MRTFB: variants seen among roughly 807,000 people sequenced by gnomAD.
MRTFB encodes myocardin-related transcription factor B.
Under a neutral mutation model 104.2 loss-of-function variants are expected in MRTFB, and 29 were observed. The ratio of observed to expected loss-of-function variants is 0.28; its 90% CI spans 0.21 to 0.38. MRTFB has a LOEUF of 0.38. MRTFB is among the 10% of genes least tolerant of loss of function. MRTFB has a pLI of 1.00. For synonymous variants in MRTFB, 535 were observed against 519.5 expected (o/e 1.03, Z -0.41); for missense variants, 1,270 against 1,341.6 (o/e 0.95, Z 0.83).
At chr16:14,015,651 T>G in the MRTFB span, among the ~76,000 whole-genome samples, 3 of 152,300 alleles carry the variant, frequency 2.0e-5, no homozygotes, top group South Asian at 2.1e-4. Flanking sequence ...ACTACTGGGC[T>G]GGAGGTGGCA....
chr16:14,108,289 T>G lies in MRTFB; in HGVS notation c.-64+28935T>G, dbSNP rs528907101. ...CTTTCTTAGACAGAACAAGTATATA[T>G]GGAGTCCTCTACCACATGTGAATCT... On this transcript the variant is annotated intron_variant, in intron 2 of 16. Coordinates refer to ENST00000571589, the MANE Select transcript of MRTFB (RefSeq NM_001308142.2). 1.5e-3 allele frequency among the ~76,000 whole-genome samples: 234 copies of G among 152,346 alleles called. 3 individuals are homozygous for G. The highest frequency in any genetic ancestry group is 5.2e-3 in the African/African-American group (215 of 41,580).
At chr16:14,133,765 AGTTT>A (rs1351305520) in intron 2 of MRTFB, among the ~76,000 whole-genome samples, 2 of 149,052 alleles carry the variant, frequency 1.3e-5, no homozygotes, top group African/African-American at 5.2e-5. Context: ...ACAAAATTAC[AGTTT>A]GTTTTTAACC....
the MRTFB span, among the ~76,000 whole-genome samples, chr16:14,000,992 T>C: frequency 6.6e-6 from 1 of 152,254 alleles, no homozygotes; most frequent in Non-Finnish European, 1.5e-5. Context: ...GCCTGATACA[T>C]GATCATCTAA....
intron 1 of MRTFB, among the ~76,000 whole-genome samples, chr16:14,077,555 A>T (rs1482582893): frequency 4.8e-5 from 7 of 144,652 alleles, no homozygotes; most frequent in African/African-American, 1.8e-4. Context: ...TTATTTTTCC[A>T]TGTGAACTTT....
At chr16:14,010,270 T>C in the MRTFB span, among the ~76,000 whole-genome samples, 4 of 152,038 alleles carry the variant, frequency 2.6e-5, no homozygotes, top group Admixed American at 2.6e-4. Flanking sequence ...GATCTTCTAT[T>C]CATATGATAA....
chr16:14,006,437 C>T, the MRTFB span, among the ~76,000 whole-genome samples: 2 of 151,942 alleles, frequency 1.3e-5, no homozygotes, highest in Non-Finnish European at 2.9e-5. Flanking sequence ...AATCGCTTGA[C>T]CAGAGGCAGA....
At chr16:14,194,921 A>C (rs2040365154) in intron 3 of MRTFB, among the ~76,000 whole-genome samples, 1 of 152,130 alleles carries the variant, frequency 6.6e-6, no homozygotes, top group Non-Finnish European at 1.5e-5. Flanking sequence ...CCCACATTAA[A>C]GCTCCGTTTG....
At chr16:14,212,646 A>C (rs2041242512) in intron 5 of MRTFB, among the ~76,000 whole-genome samples, 1 of 152,218 alleles carries the variant, frequency 6.6e-6, no homozygotes, top group African/African-American at 2.4e-5. Context: ...TTTTGTACAA[A>C]AAGAACAAAT....
At chr16:14,008,521 T>G in the MRTFB span, among the ~76,000 whole-genome samples, 8 of 152,226 alleles carry the variant, frequency 5.3e-5, no homozygotes, top group African/African-American at 1.9e-4. Context: ...ATTTCTGGAC[T>G]GTCAAGCCTA....
At chr16:14,223,501 T>G (rs1369105784) in intron 8 of MRTFB, among the ~76,000 whole-genome samples, 1 of 152,048 alleles carries the variant, frequency 6.6e-6, no homozygotes, top group Admixed American at 6.6e-5. Flanking sequence ...GAAAACTATA[T>G]ATGAACAAAC....
At chr16:14,034,892 C>A in the MRTFB span, among the ~76,000 whole-genome samples, 1 of 152,156 alleles carries the variant, frequency 6.6e-6, no homozygotes, top group African/African-American at 2.4e-5. Context: ...AAGGCCCCAC[C>A]ACCCCAGGCC....
chr16:14,009,173 T>G, the MRTFB span: 1 of 152,088 alleles, frequency 6.6e-6, no homozygotes, highest in Non-Finnish European at 1.5e-5. Context: ...GGTCTCAAAC[T>G]CCTGGGCTTG....
the MRTFB span, among the ~76,000 whole-genome samples, chr16:14,059,276 T>C: frequency 1.1e-4 from 17 of 152,088 alleles, no homozygotes; most frequent in African/African-American, 3.9e-4. Context: ...CAATAAAATA[T>C]GTTAATTATA....
At chr16:14,195,282 T>C (rs1359445751) in intron 3 of MRTFB, among the ~76,000 whole-genome samples, 1 of 152,206 alleles carries the variant, frequency 6.6e-6, no homozygotes, top group Non-Finnish European at 1.5e-5. Context: ...CAAGGGATAA[T>C]GTGGCAATCC....
intron 3 of MRTFB, among the ~76,000 whole-genome samples, chr16:14,171,640 G>A (rs578102652): frequency 1.3e-5 from 2 of 151,930 alleles, no homozygotes; most frequent in Admixed American, 6.5e-5. Flanking sequence ...TTATGTATTT[G>A]TAACTCCACT....
At chr16:14,131,594 A>G (rs193042166) in intron 2 of MRTFB, among the ~76,000 whole-genome samples, 5 of 152,320 alleles carry the variant, frequency 3.3e-5, no homozygotes, top group African/African-American at 9.6e-5. Flanking sequence ...AATGAAAGAA[A>G]AAACTGTTCT....
At chr16:14,223,178 T>C in intron 8 of MRTFB, among the ~76,000 whole-genome samples, 1 of 151,952 alleles carries the variant, frequency 6.6e-6, no homozygotes, top group Non-Finnish European at 1.5e-5. Flanking sequence ...GGCGTGGTAG[T>C]GCATACCTGT....
intron 3 of MRTFB, among the ~76,000 whole-genome samples, chr16:14,191,649 C>T (rs954387649): frequency 1.3e-5 from 2 of 152,160 alleles, no homozygotes; most frequent in African/African-American, 4.8e-5. Flanking sequence ...TTATACCCTT[C>T]TCTGCCTTCT....
chr16:14,017,217 C>T, the MRTFB span, among the ~76,000 whole-genome samples: 13 of 151,940 alleles, frequency 8.6e-5, no homozygotes, highest in African/African-American at 2.9e-4. Context: ...CCACCACACC[C>T]GGCTAATTTT....
Sources: gnomAD v4.1 joint callset for allele counts (sites outside exome capture counted in the v4.1 genomes callset) on GRCh38, gnomAD v4.1.1 for gene constraint, MANE v1.5 for transcripts, NCBI Gene and HGNC (gene_info 2026-07-23, HGNC 2026-07-21) for gene names.